Variants in ABCA9 observed in about 807,000 individuals in gnomAD.
The protein encoded by ABCA9 is ATP binding cassette subfamily A member 9.
ABCA9 carries 183 observed loss-of-function variants against 205.3 expected under a neutral mutation model. That is an observed-to-expected ratio of 0.89 (90% confidence interval 0.79 to 1.01). The LOEUF (loss-of-function observed/expected upper bound fraction) is 1.01. Ranked by LOEUF, ABCA9 falls within the 50% of genes least tolerant of loss-of-function variation. ABCA9 has a pLI of 0.00. For synonymous variants in ABCA9, 651 were observed against 683.3 expected (o/e 0.95, Z 0.74); for missense variants, 1,805 against 1,912.4 (o/e 0.94, Z 1.05).
chr17:68,990,747 C>G (rs2069422189), intron 29 of ABCA9, 90 bp downstream of exon 29: 1 of 1,509,442 alleles, frequency 6.6e-7, no homozygotes, highest in African/African-American at 1.4e-5. Context: ...GAAAGAACCC[C>G]AAGTGTTTTT....
the ABCA9 span, among the ~76,000 whole-genome samples, chr17:69,069,443 A>T: frequency 6.6e-6 from 1 of 152,130 alleles, no homozygotes; most frequent in African/African-American, 2.4e-5. Context: ...TCAAGGATCC[A>T]TTCACCACTA....
chr17:68,982,543 T>G lies in ABCA9; in HGVS notation c.4720+19A>C. On this transcript the variant is annotated intron_variant, in intron 37 of 38. Transcript: ENST00000340001. The stretch of plus-strand genomic sequence containing the variant: ...CTTATCTGTTTCCCAGAGTTTTGTC[T>G]CTAAACAGTCACTCTTACCTATCTC... 5 of 1,600,782 alleles carry G rather than the reference T, an allele frequency of 3.1e-6. No homozygotes were observed. The highest frequency in any genetic ancestry group is 2.6e-6 in the Non-Finnish European group (3 of 1,167,996).
rs944166801 is a variant in ABCA9 at position 69,008,227 on chromosome 17, A to G, written c.3156T>C (p.Ala1052=). 6.2e-7 allele frequency: 1 copy of G among 1,611,422 alleles called. No individual in the cohort carries two copies. The highest frequency in any genetic ancestry group is 8.5e-7 in the Non-Finnish European group (1 of 1,179,410). ...GGCCTGAAATCCGTAGCTGGGAATGAGCTTTTTTCTGATAAAGAAATAGAA... is the reference window on the plus strand; with the variant it reads ...GGCCTGAAATCCGTAGCTGGGAATGGGCTTTTTTCTGATAAAGAAATAGAA... ...MSSIGDYKKK[A]HSQLRISGLY... Residue 1052 remains alanine, a synonymous_variant, in exon 24 of 39, where the codon GCT becomes GCC. Coordinates refer to ENST00000340001, the MANE Select transcript of ABCA9 (RefSeq NM_080283.4).
Position 69,052,195 on chromosome 17 carries a change from A to AC in ABCA9, c.-13-1057dup, listed in dbSNP as rs569973979. ...AGACTGGCCTGGGCAACAAAGTGAG[A>AC]CCCCATCTCTATTTTTAAAAAATCA... On this transcript the variant is annotated intron_variant, in intron 1 of 38. Coordinates refer to ENST00000340001, the MANE Select transcript of ABCA9 (RefSeq NM_080283.4). Among the ~76,000 whole-genome samples, 110 of 152,110 alleles carry AC rather than the reference A, an allele frequency of 7.2e-4. No homozygotes were observed. The South Asian group carries it at 0.013, about 19-fold the overall frequency.
In ABCA9 at chr17:69,033,830, T is replaced by A; in HGVS notation, c.1172A>T (p.Asp391Val). ...TATGAGGTATGGATTTTGTGAAGAA[T>A]CCAAGTGGGCATTAGAATTCACATC... is the stretch of plus-strand genomic sequence containing the variant. ...DYDVNSNAHLDSSQNPYLIIA... is the reference protein window; with the variant it reads ...DYDVNSNAHLVSSQNPYLIIA... Residue 391 changes from aspartate to valine, a missense_variant, in exon 9 of 39, where the codon GAT (aspartate) becomes GTT (valine). Transcript: ENST00000340001. 1.2e-6 allele frequency: 2 copies of A among 1,608,410 alleles called. No individual in the cohort carries two copies. Among genetic ancestry groups the A allele is most frequent in the Non-Finnish European group, 1.7e-6 (2 of 1,175,790 alleles).
chr17:69,034,263 C>A (rs894482805), intron 8 of ABCA9, among the ~76,000 whole-genome samples: 1 of 152,078 alleles, frequency 6.6e-6, no homozygotes, highest in Admixed American at 6.6e-5. Flanking sequence ...ACTCTGTTAC[C>A]CAGGCTGGAG....
chr17:69,008,090 A>T lies in ABCA9; in HGVS notation c.3293T>A (p.Ile1098Lys), dbSNP rs760189433. Residue 1098 changes from isoleucine (I) to lysine (K), a missense_variant, in exon 24 of 39, where the codon ATA (isoleucine) becomes AAA (lysine). Ile to Lys is a moderately radical substitution (Grantham distance 102). Transcript: ENST00000340001. ...MDYIFSPEEI[I>K]FIIQNLLIQI... ...AATTAACAGGTTTTGAATTATAAAT[A>T]TAATCTCCTCTGGGCTAAAAATATA... 1 of 1,610,412 alleles carries T rather than the reference A, an allele frequency of 6.2e-7. No homozygotes were observed. The highest frequency in any genetic ancestry group is 1.3e-5 in the African/African-American group (1 of 74,858).
upstream of ABCA9, among the ~76,000 whole-genome samples, chr17:69,063,806 G>A (rs995992473): frequency 3.9e-5 from 6 of 152,022 alleles, no homozygotes; most frequent in African/African-American, 1.2e-4. Context: ...TCTCCTGACC[G>A]CGTGATCCGC....
At chr17:69,009,803 C>T (rs1398932860) in intron 23 of ABCA9, among the ~76,000 whole-genome samples, 1 of 152,010 alleles carries the variant, frequency 6.6e-6, no homozygotes, top group Non-Finnish European at 1.5e-5. Flanking sequence ...GAAGTATATT[C>T]CGTGACTTCA....
At chr17:69,077,934 T>C in the ABCA9 span, among the ~76,000 whole-genome samples, 1 of 152,052 alleles carries the variant, frequency 6.6e-6, no homozygotes, top group South Asian at 2.1e-4. Flanking sequence ...TAGATACACC[T>C]ACATGCACAT....
chr17:69,017,547 T>C, intron 21 of ABCA9, 109 bp downstream of exon 21: 1 of 1,209,196 alleles, frequency 8.3e-7, no homozygotes, highest in South Asian at 1.5e-5. Context: ...ATGAGAACTA[T>C]CCCATTTGTT....
intron 25 of ABCA9, among the ~76,000 whole-genome samples, chr17:69,007,413 A>G (rs2070185943): frequency 6.6e-6 from 1 of 152,162 alleles, no homozygotes; most frequent in African/African-American, 2.4e-5. Flanking sequence ...AAAGAAAAAG[A>G]AAAAAAGAAA....
chr17:68,979,463 C>A (rs189584871), intron 37 of ABCA9, among the ~76,000 whole-genome samples: 1 of 150,760 alleles, frequency 6.6e-6, no homozygotes, highest in African/African-American at 2.5e-5. Context: ...CAAAAAAGAG[C>A]CTGCATTGCC....
At chr17:69,067,565 A>G in the ABCA9 span, among the ~76,000 whole-genome samples, 2 of 150,664 alleles carry the variant, frequency 1.3e-5, no homozygotes, top group Admixed American at 1.3e-4. Context: ...ACCTTGGAAA[A>G]AAAAAAAAAA....
the ABCA9 span, among the ~76,000 whole-genome samples, chr17:69,066,548 C>T: frequency 6.6e-6 from 1 of 150,606 alleles, no homozygotes; most frequent in African/African-American, 2.4e-5. Flanking sequence ...AACGCAGTAA[C>T]AGGTGGAGTG....
At chr17:69,027,852 T>C in intron 12 of ABCA9, 37 bp from the exon 13 acceptor site, 1 of 1,485,692 alleles carries the variant, frequency 6.7e-7, no homozygotes, top group South Asian at 1.2e-5. Context: ...ATCAGGAAAA[T>C]GTGTCATGCT....
rs2071244358 is a variant in ABCA9, at chr17:69,033,875, T to A, written c.1129-2A>T. ...CACATCATAGTCCAAATGTATAAGCTGAAAAAGAAAGATACAGTGAATTTT... is the reference window on the plus strand; with the variant it reads ...CACATCATAGTCCAAATGTATAAGCAGAAAAAGAAAGATACAGTGAATTTT... On this transcript the variant is annotated splice_acceptor_variant, in intron 8 of 38. Coordinates refer to ENST00000340001, the MANE Select transcript of ABCA9 (RefSeq NM_080283.4). LOFTEE classifies it high-confidence loss of function. 5 of 1,581,666 alleles carry A rather than the reference T, an allele frequency of 3.2e-6. No homozygotes were observed. Among genetic ancestry groups the A allele is most frequent in the Admixed American group, 3.6e-5 (2 of 55,112 alleles).
At chr17:69,021,115 G>A (rs1228958950) in intron 18 of ABCA9, among the ~76,000 whole-genome samples, 1 of 151,906 alleles carries the variant, frequency 6.6e-6, no homozygotes, top group African/African-American at 2.4e-5. Flanking sequence ...TTAAAATTTA[G>A]TATAACACTA....
Position 69,026,972 on chromosome 17 carries a change from T to C in ABCA9, c.2050+4A>G. Reference sequence around the variant, plus strand: ...GAAGATACATAAGAGAAACAAAAAATTACCCGCCAGAATGTCAGCCTCATC... The same window carrying C: ...GAAGATACATAAGAGAAACAAAAAACTACCCGCCAGAATGTCAGCCTCATC... On this transcript the variant is annotated splice_donor_region_variant and intron_variant, in intron 15 of 38. Coordinates refer to ENST00000340001, the MANE Select transcript of ABCA9 (RefSeq NM_080283.4). 1.2e-6 allele frequency: 2 copies of C among 1,613,652 alleles called. No homozygotes were observed. The highest frequency in any genetic ancestry group is 1.7e-6 in the Non-Finnish European group (2 of 1,179,834).
Sources: allele counts gnomAD v4.1 joint callset (sites outside exome capture counted in the v4.1 genomes callset), GRCh38; gene constraint gnomAD v4.1.1; transcripts MANE v1.5; gene names NCBI Gene and HGNC (gene_info 2026-07-23, HGNC 2026-07-21).